VOPP1: variants seen among roughly 807,000 people sequenced by gnomAD.
The protein encoded by VOPP1 is WW domain binding protein VOPP1.
A neutral mutation model predicts 23.5 loss-of-function variants in VOPP1; 8 were observed. The ratio of observed to expected loss-of-function variants is 0.34; its 90% CI spans 0.20 to 0.61. The LOEUF (loss-of-function observed/expected upper bound fraction) is 0.61, where lower values mean the gene tolerates loss of function less well. VOPP1 is among the 20% of genes least tolerant of loss of function. The probability of loss-of-function intolerance (pLI) is 0.78; values close to 1 mark genes in which losing one functional copy is unlikely to be tolerated. For missense variants in VOPP1, 174 were observed against 238.1 expected (o/e 0.73, Z 1.77); for synonymous variants, 83 against 97.3 (o/e 0.85, Z 0.86).
chr7:55,439,253 G>A (rs542580063), intron 4 of VOPP1, among the ~76,000 whole-genome samples: 4 of 152,210 alleles, frequency 2.6e-5, no homozygotes, highest in South Asian at 2.1e-4. Context: ...AGGAGAAGGC[G>A]CAGTCACTGA....
At chr7:55,482,456 C>T (rs1792800252) in intron 4 of VOPP1, among the ~76,000 whole-genome samples, 1 of 148,474 alleles carries the variant, frequency 6.7e-6, no homozygotes, top group Non-Finnish European at 1.5e-5. Flanking sequence ...GCTGGGACTA[C>T]AGGCACCCAC....
At chr7:55,545,351 C>T (rs1192625712) in intron 1 of VOPP1, among the ~76,000 whole-genome samples, 7 of 152,182 alleles carry the variant, frequency 4.6e-5, no homozygotes, top group Admixed American at 4.6e-4. Flanking sequence ...CTGAAGCCCC[C>T]AGTGCTGTGA....
intron 1 of VOPP1, chr7:55,537,666 T>A: frequency 6.7e-7 from 1 of 1,496,850 alleles, no homozygotes; most frequent in Non-Finnish European, 8.9e-7. Flanking sequence ...CCCTGCAGTA[T>A]CCTCCTCTGT....
At chr7:55,501,117 G>GT (rs931866367) in intron 2 of VOPP1, among the ~76,000 whole-genome samples, 1 of 152,208 alleles carries the variant, frequency 6.6e-6, no homozygotes, top group Non-Finnish European at 1.5e-5. Flanking sequence ...TGCTTGCATG[G>GT]TTCTTTGTTC....
chr7:55,507,206 C>G (rs1392769895), intron 2 of VOPP1, among the ~76,000 whole-genome samples: 2 of 152,204 alleles, frequency 1.3e-5, no homozygotes. Context: ...AGCACAGGCT[C>G]ACGTCAGAAC....
chr7:55,517,386 T>C (rs2129039102), intron 2 of VOPP1, among the ~76,000 whole-genome samples: 1 of 152,150 alleles, frequency 6.6e-6, no homozygotes, highest in East Asian at 1.9e-4. Flanking sequence ...AACTGACACG[T>C]CGTGGGCCCT....
chr7:55,492,631 G>A (rs1343620454), intron 3 of VOPP1, among the ~76,000 whole-genome samples: 2 of 152,214 alleles, frequency 1.3e-5, no homozygotes, highest in Non-Finnish European at 2.9e-5. Context: ...CTAGTGGATA[G>A]CAACAAGTAG....
intron 2 of VOPP1, among the ~76,000 whole-genome samples, chr7:55,517,649 A>ATAAC (rs1795554102): frequency 6.6e-6 from 1 of 152,118 alleles, no homozygotes; most frequent in Non-Finnish European, 1.5e-5. Context: ...GAGATCAAAA[A>ATAAC]TAACGTACCC....
chr7:55,536,399 G>A (rs984856864), intron 1 of VOPP1, among the ~76,000 whole-genome samples: 2 of 152,116 alleles, frequency 1.3e-5, no homozygotes, highest in South Asian at 2.1e-4. Flanking sequence ...TGTGGTGGCG[G>A]GCGCCTGTAG....
Position 55,493,456 on chromosome 7 carries a change from TTGAGAATATTAA to T in VOPP1, c.192-1050_192-1039del, listed in dbSNP as rs575212351. ...CTCTTAAGAGCGTACGATAAAGCCT[TTGAGAATATTAA>T]TGTGATGTCAAGGCCTTCAGCCAGT... On this transcript the variant is annotated intron_variant, in intron 3 of 4. Coordinates refer to ENST00000285279, the MANE Select transcript of VOPP1 (RefSeq NM_030796.5). Among the ~76,000 whole-genome samples the T allele has an allele frequency of 3.9e-5, 6 of 152,302 alleles. No homozygotes were observed. The East Asian group carries it at 1.2e-3, about 29-fold the overall frequency.
intron 2 of VOPP1, among the ~76,000 whole-genome samples, chr7:55,506,947 A>G (rs1015828845): frequency 1.3e-5 from 2 of 152,170 alleles, no homozygotes; most frequent in African/African-American, 4.8e-5. Flanking sequence ...CGGCCCCACA[A>G]GCTTCTTTAT....
At chr7:55,485,388 A>G (rs560726596) in intron 4 of VOPP1, among the ~76,000 whole-genome samples, 9 of 152,388 alleles carry the variant, frequency 5.9e-5, no homozygotes, top group African/African-American at 1.9e-4. Context: ...AAGAGAAAAC[A>G]TGACACAGAA....
intron 1 of VOPP1, among the ~76,000 whole-genome samples, chr7:55,551,130 C>A (rs1436488999): frequency 6.6e-6 from 1 of 152,204 alleles, no homozygotes; most frequent in African/African-American, 2.4e-5. Flanking sequence ...GCCCTACCAT[C>A]CCGCAGACAT....
chr7:55,523,480 G>C (rs1278760206), intron 1 of VOPP1, among the ~76,000 whole-genome samples: 3 of 152,072 alleles, frequency 2.0e-5, no homozygotes, highest in African/African-American at 7.2e-5. Flanking sequence ...CAGAGTCGAG[G>C]CCAGAGGGGC....
At chr7:55,502,547 G>A (rs915384408) in intron 2 of VOPP1, among the ~76,000 whole-genome samples, 2 of 152,214 alleles carry the variant, frequency 1.3e-5, no homozygotes, top group African/African-American at 4.8e-5. Context: ...TTACCCAGGT[G>A]CTGACACTGT....
rs1791122078 is a variant in VOPP1 at position 55,447,187 on chromosome 7, A to G, written n.418-11013T>C. Among the ~76,000 whole-genome samples the G allele has an allele frequency of 7.2e-5, 11 of 152,226 alleles. No homozygotes were observed. In the South Asian group the frequency reaches 2.3e-3, roughly 32 times the overall value. The stretch of plus-strand genomic sequence containing the variant: ...AAAATGATAGGTGGCTTTTCCAGGT[A>G]CTATAGAAGAATCAGGCAAGGCGTC... On this transcript the variant is annotated intron_variant and non_coding_transcript_variant, in intron 4 of 4. Coordinates refer to the VOPP1 transcript ENST00000462326.
At chr7:55,552,948 C>T (rs1797671699) in intron 1 of VOPP1, 4 of 706,210 alleles carry the variant, frequency 5.7e-6, no homozygotes, top group East Asian at 8.8e-5. Flanking sequence ...AATGCTAAGG[C>T]GCTGTAGGAA....
intron 2 of VOPP1, among the ~76,000 whole-genome samples, chr7:55,498,222 A>G (rs1318622249): frequency 6.6e-6 from 1 of 152,262 alleles, no homozygotes; most frequent in Non-Finnish European, 1.5e-5. Context: ...CAGTTTCTCC[A>G]TCAGCAAAAT....
At position 55,492,273 on chromosome 7, in the gene VOPP1, C is replaced by T. The variant is rs773665662; in HGVS notation, c.328+9G>A. 1.0e-5 allele frequency: 16 copies of T among 1,607,368 alleles called. No homozygotes were observed. The highest frequency in any genetic ancestry group is 1.3e-5 in the African/African-American group (1 of 74,910). On this transcript the variant is annotated intron_variant, in intron 4 of 4. Coordinates refer to ENST00000285279, the MANE Select transcript of VOPP1 (RefSeq NM_030796.5). ...GTGGGGAGGAGAGACAAGGACAGGG[C>T]TGGCTGACCTGGGCCGGGATTTGGG...
Sources: gnomAD v4.1 joint callset for allele counts (sites outside exome capture counted in the v4.1 genomes callset) on GRCh38, gnomAD v4.1.1 for gene constraint, MANE v1.5 for transcripts, NCBI Gene and HGNC (gene_info 2026-07-23, HGNC 2026-07-21) for gene names.